The following LTBP1 variants were observed in gnomAD, a reference collection of about 807,000 sequenced individuals.
LTBP1 encodes latent-transforming growth factor beta-binding protein 1.
In LTBP1, 129 loss-of-function variants were observed where a neutral mutation model predicts 207.6. The observed-to-expected ratio is 0.62, with a 90% confidence interval of 0.54 to 0.72. The LOEUF (loss-of-function observed/expected upper bound fraction) is 0.72. Ranked by LOEUF, LTBP1 falls within the 30% of genes least tolerant of loss-of-function variation. LTBP1 has a pLI of 0.00. For missense variants in LTBP1, 2,281 were observed against 2,217.2 expected, an observed-to-expected ratio of 1.03 and a Z score of -0.58; for synonymous variants, 963 against 833.7, an observed-to-expected ratio of 1.16 and a Z score of -2.67.
chr2:33,239,549 T>C (rs1175008385), intron 9 of LTBP1, among the ~76,000 whole-genome samples: 1 of 152,174 alleles, frequency 6.6e-6, no homozygotes, highest in Non-Finnish European at 1.5e-5. Flanking sequence ...TTAAAATACT[T>C]TTGATTTAGT....
At chr2:33,154,713 T>C (rs958490719) in intron 5 of LTBP1, among the ~76,000 whole-genome samples, 31 of 152,176 alleles carry the variant, frequency 2.0e-4, no homozygotes, top group African/African-American at 7.2e-4. Flanking sequence ...AATTGCTGCA[T>C]CAAAGGTTAT....
intron 31 of LTBP1, among the ~76,000 whole-genome samples, chr2:33,373,473 A>AT (rs2095096045): frequency 6.6e-6 from 1 of 152,232 alleles, no homozygotes; most frequent in African/African-American, 2.4e-5. Flanking sequence ...GTGAATAGGC[A>AT]CTTAGTGAGG....
chr2:33,092,890 A>G (rs879276989), intron 3 of LTBP1, among the ~76,000 whole-genome samples: 2 of 152,108 alleles, frequency 1.3e-5, no homozygotes, highest in Non-Finnish European at 2.9e-5. Flanking sequence ...CTGCTAGTAT[A>G]TTTTGTTCTT....
intron 3 of LTBP1, among the ~76,000 whole-genome samples, chr2:33,027,884 C>G (rs2075503878): frequency 6.6e-6 from 1 of 152,136 alleles, no homozygotes; most frequent in African/African-American, 2.4e-5. Flanking sequence ...GAAATAATCA[C>G]CAAGCCCAAC....
intron 2 of LTBP1, among the ~76,000 whole-genome samples, chr2:32,989,032 C>T (rs200527911): frequency 2.0e-4 from 31 of 152,060 alleles, no homozygotes; most frequent in East Asian, 5.8e-4. Flanking sequence ...AAGATTCAGA[C>T]GATAAGTTCA....
intron 9 of LTBP1, among the ~76,000 whole-genome samples, chr2:33,240,690 G>A (rs2092284112): frequency 7.9e-6 from 1 of 126,688 alleles, no homozygotes; most frequent in East Asian, 2.3e-4. Context: ...TTGCTCTGTC[G>A]CCCAGGCTGG....
chr2:33,270,978 A>G lies in LTBP1; in HGVS notation c.2618-2678A>G, dbSNP rs1234034730. Among the ~76,000 whole-genome samples the G allele has an allele frequency of 2.0e-5, 3 of 152,346 alleles. No homozygotes were observed. In the East Asian group the frequency reaches 5.8e-4, roughly 29 times the overall value. ...TATTACTCATTTTATTCCTAAGACTAAAGAGTTATACTTCTTCACTATTTC... is the reference window on the plus strand; with the variant it reads ...TATTACTCATTTTATTCCTAAGACTGAAGAGTTATACTTCTTCACTATTTC... On this transcript the variant is annotated intron_variant, in intron 15 of 33. Coordinates refer to ENST00000404816, the MANE Select transcript of LTBP1 (RefSeq NM_206943.4).
intron 25 of LTBP1, among the ~76,000 whole-genome samples, chr2:33,344,634 C>A (rs2094677237): frequency 6.6e-6 from 1 of 152,208 alleles, no homozygotes; most frequent in Admixed American, 6.5e-5. Flanking sequence ...GCTGTGACCT[C>A]TGCTTCCAGA....
chr2:33,326,506 AAAC>A lies in LTBP1; in HGVS notation c.3730+11240_3730+11242del, dbSNP rs1180122267. ...GCATACTTTTATTGGATTAAAAAAA[AAAC>A]AATCTAAACTGACTTCAGTCATGAG... On this transcript the variant is annotated intron_variant, in intron 24 of 33. Transcript: ENST00000404816. 2.6e-5 allele frequency among the ~76,000 whole-genome samples: 4 copies of A among 152,254 alleles called. No homozygotes were observed. In the East Asian group the frequency reaches 5.8e-4, roughly 22 times the overall value.
intron 7 of LTBP1, among the ~76,000 whole-genome samples, chr2:33,204,673 G>C (rs114366540): frequency 6.6e-6 from 1 of 151,888 alleles, no homozygotes; most frequent in African/African-American, 2.4e-5. Context: ...TCAAACTCTC[G>C]GGCTCAAGTG....
At chr2:33,285,529 A>G (rs553312757) in intron 19 of LTBP1, among the ~76,000 whole-genome samples, 2 of 145,248 alleles carry the variant, frequency 1.4e-5, no homozygotes, top group South Asian at 4.4e-4. Flanking sequence ...GCTCACTGCA[A>G]CCTCCACCTC....
intron 11 of LTBP1, among the ~76,000 whole-genome samples, chr2:33,256,321 C>G (rs1033743849): frequency 6.6e-6 from 1 of 152,056 alleles, no homozygotes; most frequent in Non-Finnish European, 1.5e-5. Context: ...CTCACTATCC[C>G]GAGATTCTCC....
Position 33,110,778 on chromosome 2 carries a change from C to T in LTBP1, c.1033+27C>T, listed in dbSNP as rs774432433. ...TGAGTATAGTCTTATCAACCATTTT[C>T]CCAAGTTATGGTATCAGAGATTGGA... On this transcript the variant is annotated intron_variant, in intron 4 of 33. Transcript: ENST00000404816. 7 of 1,604,258 alleles carry T rather than the reference C, an allele frequency of 4.4e-6. No individual in the cohort carries two copies. The African/African-American group carries it at 6.7e-5, about 15-fold the overall frequency.
At chr2:33,074,449 A>G (rs545215424) in intron 3 of LTBP1, among the ~76,000 whole-genome samples, 12 of 152,274 alleles carry the variant, frequency 7.9e-5, no homozygotes, top group Non-Finnish European at 1.5e-4. Context: ...AGAAGGGTCA[A>G]AAAAAGGCCG....
intron 18 of LTBP1, 72 bp from the exon 19 acceptor site, chr2:33,279,967 C>A: frequency 6.4e-7 from 1 of 1,557,828 alleles, no homozygotes; most frequent in Non-Finnish European, 8.8e-7. Context: ...CCCCCGCTGC[C>A]TTCATCACAA....
intron 3 of LTBP1, among the ~76,000 whole-genome samples, chr2:33,069,094 C>T (rs2077654940): frequency 6.6e-6 from 1 of 152,176 alleles, no homozygotes; most frequent in Non-Finnish European, 1.5e-5. Context: ...TTAAAGTTTA[C>T]TCTTGTTCTG....
At chr2:33,393,622 C>A (rs1356975386) in intron 32 of LTBP1, among the ~76,000 whole-genome samples, 1 of 152,118 alleles carries the variant, frequency 6.6e-6, no homozygotes, top group East Asian at 1.9e-4. Flanking sequence ...GACATGAACT[C>A]ATCATTTTTT....
At chr2:33,193,743 C>A (rs1333713698) in intron 7 of LTBP1, among the ~76,000 whole-genome samples, 1 of 152,036 alleles carries the variant, frequency 6.6e-6, no homozygotes, top group East Asian at 1.9e-4. Flanking sequence ...ATTTTTGTTA[C>A]TATTGTAATT....
Position 33,275,049 on chromosome 2 carries a change from C to T in LTBP1, c.2828C>T (p.Pro943Leu), listed in dbSNP as rs1315914529. ...NTEGSFLCIC[P>L]AGFMASEEGT... ...GAGGGAAGTTTCTTGTGCATTTGCC[C>T]AGCAGGATTTATGGCCAGTGAGGAG... Residue 943 changes from proline (P) to leucine (L), a missense_variant, in exon 17 of 34, where the codon CCA becomes CTA. Physicochemically the swap from Pro to Leu is moderately conservative, Grantham distance 98. Transcript: ENST00000404816. The T allele has an allele frequency of 1.2e-6, 2 of 1,614,052 alleles. No individual in the cohort carries two copies. Among genetic ancestry groups the T allele is most frequent in the South Asian group, 1.1e-5 (1 of 91,072 alleles).
Sources: gnomAD v4.1 joint callset for allele counts (sites outside exome capture counted in the v4.1 genomes callset) on GRCh38, gnomAD v4.1.1 for gene constraint, MANE v1.5 for transcripts, NCBI Gene and HGNC (gene_info 2026-07-23, HGNC 2026-07-21) for gene names.